The following CALN1 variants were observed in gnomAD, a reference collection of about 807,000 sequenced individuals.
The protein encoded by CALN1 is calneuron 1.
CALN1 carries 17 observed loss-of-function variants against 30.6 expected under a neutral mutation model. The ratio of observed to expected loss-of-function variants is 0.56; its 90% confidence interval spans 0.38 to 0.83. The LOEUF is 0.83. CALN1 is among the 40% of genes least tolerant of loss of function. The pLI, the probability that CALN1 is intolerant of heterozygous loss-of-function variation, is 0.00. For missense variants in CALN1, 291 were observed against 354.9 expected (o/e 0.82, Z 1.45); for synonymous variants, 156 against 131.4 (o/e 1.19, Z -1.28).
intron 4 of CALN1, among the ~76,000 whole-genome samples, chr7:72,063,368 C>T (rs906070209): frequency 6.6e-6 from 1 of 152,162 alleles, no homozygotes; most frequent in African/African-American, 2.4e-5. Context: ...ACATGCAATG[C>T]CATAAGTCTC....
intron 4 of CALN1, among the ~76,000 whole-genome samples, chr7:72,074,740 T>C (rs1804621243): frequency 6.6e-6 from 1 of 152,130 alleles, no homozygotes; most frequent in Admixed American, 6.6e-5. Context: ...AAACCTGGCA[T>C]CAGATTCAGT....
chr7:72,458,197 A>ATATATTATATAATATATTCTATAT, the CALN1 span, among the ~76,000 whole-genome samples: 4 of 88,170 alleles, frequency 4.5e-5, no homozygotes, highest in African/African-American at 1.6e-4. Context: ...ATATATTATA[A>ATATATTATATAATATATTCTATAT]TATATAATAT....
rs779401803 is a variant in CALN1, at chr7:72,054,413, A to ACG, written c.389-30645_389-30644insCG. 7.2e-3 allele frequency among the ~76,000 whole-genome samples: 736 copies of ACG among 101,762 alleles called. 17 individuals carry two copies. Among genetic ancestry groups the ACG allele is most frequent in the Middle Eastern group, 0.018 (4 of 228 alleles). The allele number at this position is 101,762 out of a possible 152,430, so 66.8% of individuals were successfully genotyped here. ...GCTGCATATATGTACATATATATAT[A>ACG]TATACGTGTATATATACACGTATAT... On this transcript the variant is annotated intron_variant, in intron 4 of 6. Coordinates refer to ENST00000395275, the MANE Select transcript of CALN1 (RefSeq NM_031468.4).
intron 4 of CALN1, among the ~76,000 whole-genome samples, chr7:72,041,438 C>A (rs1421754765): frequency 6.6e-6 from 1 of 151,982 alleles, no homozygotes; most frequent in Admixed American, 6.6e-5. Flanking sequence ...GGCTAGAGTG[C>A]AGTGGTACGA....
At chr7:72,164,342 A>G (rs1424849469) in intron 3 of CALN1, among the ~76,000 whole-genome samples, 3 of 117,794 alleles carry the variant, frequency 2.5e-5, no homozygotes, top group Non-Finnish European at 5.1e-5. Context: ...CAAGAGCAAC[A>G]CTCCGTCAAA....
the CALN1 span, among the ~76,000 whole-genome samples, chr7:72,455,932 A>G: frequency 1.3e-5 from 2 of 152,204 alleles, no homozygotes; most frequent in South Asian, 2.1e-4. Flanking sequence ...CACGCCTGTA[A>G]TCCCAGCACT....
intron 2 of CALN1, among the ~76,000 whole-genome samples, chr7:72,373,319 T>C (rs923854519): frequency 2.0e-5 from 3 of 152,146 alleles, no homozygotes; most frequent in Non-Finnish European, 4.4e-5. Flanking sequence ...AAAAAACATA[T>C]GATGCAGAAA....
At chr7:71,826,293 A>G (rs796069187) in intron 5 of CALN1, among the ~76,000 whole-genome samples, 3 of 152,088 alleles carry the variant, frequency 2.0e-5, no homozygotes, top group African/African-American at 7.2e-5. Flanking sequence ...GCTTAGAAAA[A>G]GATGAAAATG....
At chr7:72,013,117 C>A (rs1057392616) in intron 5 of CALN1, among the ~76,000 whole-genome samples, 2 of 152,080 alleles carry the variant, frequency 1.3e-5, no homozygotes, top group African/African-American at 4.8e-5. Context: ...ACTCTCATAT[C>A]AACTTTGTGC....
chr7:71,891,221 C>A (rs1025481937), intron 5 of CALN1, among the ~76,000 whole-genome samples: 1 of 152,108 alleles, frequency 6.6e-6, no homozygotes, highest in Non-Finnish European at 1.5e-5. Flanking sequence ...ATTAAAAATG[C>A]GACAAAAGCA....
At chr7:72,251,892 A>G (rs1251886882) in intron 3 of CALN1, among the ~76,000 whole-genome samples, 2 of 152,136 alleles carry the variant, frequency 1.3e-5, no homozygotes, top group African/African-American at 2.4e-5. Context: ...ATTATTTCTT[A>G]CAATTGCATG....
chr7:72,122,230 CT>C (rs1169971057), intron 3 of CALN1, among the ~76,000 whole-genome samples: 1 of 152,140 alleles, frequency 6.6e-6, no homozygotes, highest in African/African-American at 2.4e-5. Flanking sequence ...CACACTGTTC[CT>C]AAGCTGCAAA....
chr7:72,367,479 T>C (rs1425135494), intron 2 of CALN1, among the ~76,000 whole-genome samples: 11 of 151,838 alleles, frequency 7.2e-5, no homozygotes. Context: ...ATTGAAAAAT[T>C]AACGGTGTGG....
At chr7:71,848,169 C>T (rs1790430726) in intron 5 of CALN1, among the ~76,000 whole-genome samples, 1 of 152,236 alleles carries the variant, frequency 6.6e-6, no homozygotes, top group East Asian at 1.9e-4. Context: ...TTGGGAATGC[C>T]AATTTTAAAG....
intron 5 of CALN1, among the ~76,000 whole-genome samples, chr7:71,856,685 T>C (rs991769595): frequency 3.3e-5 from 5 of 152,174 alleles, no homozygotes; most frequent in Admixed American, 2.6e-4. Context: ...CCGGGTGTGG[T>C]GGCTCATGCC....
chr7:71,891,548 T>C (rs1394285189), intron 5 of CALN1, among the ~76,000 whole-genome samples: 1 of 152,202 alleles, frequency 6.6e-6, no homozygotes. Flanking sequence ...GTGCCTCCAT[T>C]TTCCCATCAA....
At chr7:72,353,067 A>G (rs377120076) in intron 2 of CALN1, among the ~76,000 whole-genome samples, 23 of 152,314 alleles carry the variant, frequency 1.5e-4, no homozygotes, top group Non-Finnish European at 2.6e-4. Flanking sequence ...GAATATTCCT[A>G]TATCTTTTAA....
chr7:72,501,541 GA>G, the CALN1 span, among the ~76,000 whole-genome samples: 1 of 132,118 alleles, frequency 7.6e-6, no homozygotes, highest in Non-Finnish European at 1.6e-5. Context: ...GAAAGGAAAG[GA>G]AGGAGGGAGG....
At chr7:72,491,226 C>CA in the CALN1 span, among the ~76,000 whole-genome samples, 973 of 132,126 alleles carry the variant, frequency 7.4e-3, 17 homozygotes, top group East Asian at 0.055. Flanking sequence ...GACTCCGTCT[C>CA]AAAAAAAAAA....
Sources: gnomAD v4.1 joint callset for allele counts (sites outside exome capture counted in the v4.1 genomes callset) on GRCh38, gnomAD v4.1.1 for gene constraint, MANE v1.5 for transcripts, NCBI Gene and HGNC (gene_info 2026-07-23, HGNC 2026-07-21) for gene names.